EXOC1: variants seen among roughly 807,000 people sequenced by gnomAD.
EXOC1 encodes the protein exocyst complex component 1.
A neutral mutation model predicts 107.7 loss-of-function variants in EXOC1; 67 were observed. The observed-to-expected ratio is 0.62, with a 90% confidence interval of 0.51 to 0.76. The LOEUF (loss-of-function observed/expected upper bound fraction) is 0.76. Ranked by LOEUF, EXOC1 falls within the 30% of genes least tolerant of loss-of-function variation. The probability of loss-of-function intolerance (pLI) is 0.00; values close to 1 mark genes in which losing one functional copy is unlikely to be tolerated. For missense variants in EXOC1, 833 were observed against 1,055.7 expected (o/e 0.79, Z 2.92); for synonymous variants, 348 against 353.5 (o/e 0.98, Z 0.17).
At chr4:55,884,978 A>G (rs1484098977) in intron 10 of EXOC1, among the ~76,000 whole-genome samples, 2 of 152,224 alleles carry the variant, frequency 1.3e-5, no homozygotes, top group Admixed American at 1.3e-4. Context: ...AATATGCTAC[A>G]CTTTACAGAT....
In EXOC1 at chr4:55,864,363, A is replaced by G. The variant is rs201227231; in HGVS notation, c.392A>G (p.Asn131Ser). The change falls in exon 4 of 19, where the codon AAT becomes AGT. Residue 131 changes from asparagine to serine, a missense_variant. Around this residue, in one of 2 missense-constraint regions of EXOC1, gnomAD observed 617 missense variants for 701.3 expected, o/e 0.88. Coordinates refer to ENST00000381295, the MANE Select transcript of EXOC1 (RefSeq NM_001024924.2). ...RYLRKKIDFV[N>S]VSSQLLEESV... ...CTCCGGAAGAAAATTGATTTTGTCA[A>G]TGTTAGCTCACAGCTTTTGGAAGGT... 2.7e-5 allele frequency: 44 copies of G among 1,608,496 alleles called. No individual in the cohort carries two copies. In the East Asian group the frequency reaches 4.3e-4, roughly 16 times the overall value.
In EXOC1 at chr4:55,890,301, G is replaced by C. The variant is rs1281156642; in HGVS notation, c.1454G>C (p.Arg485Pro). 1 of 1,613,912 alleles carries C rather than the reference G, an allele frequency of 6.2e-7. No homozygotes were observed. The highest frequency in any genetic ancestry group is 1.1e-5 in the South Asian group (1 of 91,080). ...NKLSVQSSGN[R>P]RSQSSSLLDM... Reference sequence around the variant, plus strand: ...CTCAGTGTTCAGAGTTCAGGGAATCGCAGATCTCAGTCATCTTCCCTGTTG... The same window carrying C: ...CTCAGTGTTCAGAGTTCAGGGAATCCCAGATCTCAGTCATCTTCCCTGTTG... The change falls in exon 12 of 19, where the codon CGC becomes CCC. Residue 485 changes from arginine to proline, a missense_variant. By Grantham distance (103) the Arg-to-Pro change is moderately radical. Transcript: ENST00000381295.
Position 55,899,713 on chromosome 4 carries a change from G to T in EXOC1, c.2166G>T (p.Lys722Asn), listed in dbSNP as rs760179110. 1 of 1,611,822 alleles carries T rather than the reference G, an allele frequency of 6.2e-7. No individual in the cohort carries two copies. The highest frequency in any genetic ancestry group is 1.7e-5 in the Admixed American group (1 of 59,666). ...AGAAAGTAGCAAATGAAAGCCAGAAGACCCCCAGGGATGTGGTTATGATGG... is the reference window on the plus strand; with the variant it reads ...AGAAAGTAGCAAATGAAAGCCAGAATACCCCCAGGGATGTGGTTATGATGG... ...NVEKVANESQ[K>N]TPRDVVMMEN... is the part of the protein sequence containing the mutation. The change falls in exon 17 of 19, where the codon AAG becomes AAT. Residue 722 changes from lysine to asparagine, a missense_variant. By Grantham distance (94) the Lys-to-Asn change is moderately conservative. Coordinates refer to ENST00000381295, the MANE Select transcript of EXOC1 (RefSeq NM_001024924.2).
chr4:55,872,843 T>C (rs1360222903), intron 8 of EXOC1: 39 of 882,676 alleles, frequency 4.4e-5, no homozygotes, highest in Non-Finnish European at 5.0e-5. Context: ...GCTTCTCTGA[T>C]TCTGTTTTTT....
rs373946341 is a variant in EXOC1 at position 55,893,733 on chromosome 4, T to C, written c.1906T>C (p.Leu636=). Residue 636 remains leucine (L), a synonymous_variant, in exon 15 of 19, where the codon TTG becomes CTG. Transcript: ENST00000381295. ...CCCTGCTTCTTTCCTAAGTACTACA[T>C]TGGGAAATGTTTTGGTGACTGTCAA... The part of the protein sequence containing the change: ...VDPASFLSTT[L]GNVLVTVKRN... The C allele has an allele frequency of 1.2e-5, 20 of 1,614,094 alleles. No homozygotes were observed. In the African/African-American group the frequency reaches 1.9e-4, roughly 15 times the overall value.
chr4:55,896,511 T>A (rs1725224261), intron 15 of EXOC1, among the ~76,000 whole-genome samples: 1 of 152,236 alleles, frequency 6.6e-6, no homozygotes, highest in Admixed American at 6.5e-5. Context: ...GGTTTTATTA[T>A]CTATAGAATT....
intron 1 of EXOC1, 45 bp downstream of exon 1, chr4:55,853,998 G>C (rs975909192): frequency 6.6e-6 from 1 of 152,200 alleles, no homozygotes; most frequent in Non-Finnish European, 1.5e-5. Flanking sequence ...CCTTGTCCTC[G>C]GGTCTAGGAG....
chr4:55,885,302 A>C (rs2109433439), intron 10 of EXOC1, among the ~76,000 whole-genome samples: 1 of 152,314 alleles, frequency 6.6e-6, no homozygotes, highest in Non-Finnish European at 1.5e-5. Flanking sequence ...TCCCAGTATC[A>C]TAATAGTTTA....
At chr4:55,861,373 A>G (rs1721460056) in intron 3 of EXOC1, among the ~76,000 whole-genome samples, 1 of 152,198 alleles carries the variant, frequency 6.6e-6, no homozygotes, top group African/African-American at 2.4e-5. Context: ...TACAAATCTC[A>G]TACATTTACT....
intron 9 of EXOC1, among the ~76,000 whole-genome samples, chr4:55,882,555 C>T (rs1281866340): frequency 6.6e-6 from 1 of 152,000 alleles, no homozygotes; most frequent in Non-Finnish European, 1.5e-5. Context: ...AATAATTGCC[C>T]ATTTGACTAA....
intron 14 of EXOC1, among the ~76,000 whole-genome samples, chr4:55,893,115 TTTG>T (rs201900371): frequency 0.014 from 2,063 of 152,304 alleles, 61 homozygotes; most frequent in African/African-American, 0.047. Flanking sequence ...TTATTTGTTT[TTTG>T]TTGTTGTTGT....
rs1454822040 is a variant in EXOC1 at position 55,860,280 on chromosome 4, A to G, written c.125-131A>G. On this transcript the variant is annotated intron_variant, in intron 2 of 18. Transcript: ENST00000381295. ...ATTCTGTGCTTTCCTCGGTCATAGC[A>G]CTTGTTGCAAAGTATTACACCTCTT... 3 of 1,071,742 alleles carry G rather than the reference A, an allele frequency of 2.8e-6. No individual in the cohort carries two copies. In the African/African-American group the frequency reaches 4.8e-5, roughly 17 times the overall value. The allele number at this position is 1,071,742 out of a possible 1,614,324, so 66.4% of individuals were successfully genotyped here.
At position 55,871,954 on chromosome 4, in the gene EXOC1, A is replaced by C. The variant is rs188265841; in HGVS notation, c.1070A>C (p.Gln357Pro). 21 of 1,612,854 alleles carry C rather than the reference A, an allele frequency of 1.3e-5. No homozygotes were observed. The African/African-American group carries it at 1.6e-4, about 12-fold the overall frequency. Residue 357 changes from glutamine (Q) to proline (P), a missense_variant, in exon 8 of 19, where the codon CAA becomes CCA. Physicochemically the swap from Gln to Pro is moderately conservative, Grantham distance 76 (BLOSUM62 -1). This residue lies in a region of EXOC1 where 617 missense variants were observed against 701.3 expected (regional missense o/e 0.88). Coordinates refer to ENST00000381295, the MANE Select transcript of EXOC1 (RefSeq NM_001024924.2). ...LASHLNNVFV[Q>P]QGHDQSSTLA... is the part of the protein sequence containing the mutation. Reference sequence around the variant, plus strand: ...AGTCACCTCAACAATGTTTTTGTTCAACAGGTAATTTTATTTTATTATTAA... The same window carrying C: ...AGTCACCTCAACAATGTTTTTGTTCCACAGGTAATTTTATTTTATTATTAA...
chr4:55,877,644 C>T (rs1723023408), intron 8 of EXOC1: 3 of 985,346 alleles, frequency 3.0e-6, no homozygotes, highest in South Asian at 4.7e-5. Context: ...GTTCCATCTT[C>T]ATTCCTTTAA....
At chr4:55,878,978 G>A (rs1316284775) in intron 9 of EXOC1, among the ~76,000 whole-genome samples, 1 of 152,184 alleles carries the variant, frequency 6.6e-6, no homozygotes, top group Non-Finnish European at 1.5e-5. Context: ...GGAATAGATA[G>A]AGAATATAAA....
intron 10 of EXOC1, among the ~76,000 whole-genome samples, chr4:55,887,280 C>A (rs779207971): frequency 1.1e-4 from 16 of 151,996 alleles, no homozygotes; most frequent in Non-Finnish European, 2.4e-4. Flanking sequence ...ATTGTTTCTC[C>A]GCTAAACTAG....
chr4:55,854,605 A>G (rs1189072701), intron 1 of EXOC1, among the ~76,000 whole-genome samples: 2 of 152,224 alleles, frequency 1.3e-5, no homozygotes, highest in Admixed American at 1.3e-4. Flanking sequence ...GTAACCTAGA[A>G]TAGTGTCTGC....
chr4:55,904,337 T>C lies in EXOC1; in HGVS notation c.2533-6T>C. On this transcript the variant is annotated splice_polypyrimidine_tract_variant and splice_region_variant and intron_variant, in intron 18 of 18. Transcript: ENST00000381295. ...ATAGCCTAATGACTTTTTTTTTTAA[T>C]AATAGGTGGTGTGGCACTCCATGCA... The C allele has an allele frequency of 6.3e-7, 1 of 1,587,920 alleles. No individual in the cohort carries two copies. Among genetic ancestry groups the C allele is most frequent in the South Asian group, 1.2e-5 (1 of 86,144 alleles).
chr4:55,875,537 T>A, intron 8 of EXOC1: 3 of 978,468 alleles, frequency 3.1e-6, no homozygotes, highest in Non-Finnish European at 3.6e-6. Flanking sequence ...AAATCCTGAC[T>A]CTCCTACCTC....
Sources: allele counts gnomAD v4.1 joint callset (sites outside exome capture counted in the v4.1 genomes callset), GRCh38; gene constraint gnomAD v4.1.1; regional missense constraint gnomAD v4.1.1; transcripts MANE v1.5; gene names NCBI Gene and HGNC (gene_info 2026-07-23, HGNC 2026-07-21).